C11orf21: variants seen among roughly 807,000 people sequenced by gnomAD.
C11orf21 encodes uncharacterized protein C11orf21.
Under a neutral mutation model 15.2 loss-of-function variants are expected in C11orf21, and 19 were observed. The observed-to-expected ratio is 1.25, with a 90% CI of 0.87 to 1.84. The LOEUF (loss-of-function observed/expected upper bound fraction) is 1.84, where lower values mean the gene tolerates loss of function less well. Ranked by LOEUF, C11orf21 falls within the 40% of genes most tolerant of loss-of-function variation. C11orf21 has a pLI of 0.00. For missense variants in C11orf21, 171 were observed against 174.4 expected, an observed-to-expected ratio of 0.98 and a Z score of 0.11; for synonymous variants, 62 against 66.8, an observed-to-expected ratio of 0.93 and a Z score of 0.35.
intron 3 of C11orf21, 140 bp downstream of exon 3, chr11:2,299,288 C>T: frequency 4.4e-6 from 4 of 909,320 alleles, no homozygotes; most frequent in Admixed American, 5.8e-5. Context: ...CCGCGTGGCC[C>T]CCACAGGTCT....
Position 2,297,832 on chromosome 11 carries a change from T to C in C11orf21, c.*118A>G, listed in dbSNP as rs1847564631. On this transcript the variant is annotated 3_prime_UTR_variant, in exon 4 of 4. Coordinates refer to ENST00000381153, the MANE Select transcript of C11orf21 (RefSeq NM_001329958.2). ...GCAGTTCTGGAGGCTGGAAGTCCAA[T>C]ATCAAGGTGCTGCTGATTCCAGTCT... 6.6e-6 allele frequency: 1 copy of C among 152,250 alleles called. No individual in the cohort carries two copies. The highest frequency in any genetic ancestry group is 1.5e-5 in the Non-Finnish European group (1 of 68,068). 9.4% of individuals were successfully genotyped at this position (152,250 alleles called of 1,614,324 possible). A position where few individuals can be genotyped will look rare whatever the true frequency, so the allele number is the denominator to read the frequency against.
At chr11:2,302,869 T>G, upstream of C11orf21, 1 of 1,613,536 alleles carries the variant, frequency 6.2e-7, no homozygotes. Context: ...GTGGCCACCA[T>G]GGTGACTCTT....
At position 2,297,462 on chromosome 11, in the gene C11orf21, C is replaced by G. The variant is rs1847553934; in HGVS notation, c.*488G>C. ...CCATCTCCCTTCTTTGTCTCACTGC[C>G]TTGAAACACCCCACATCTATCACCT... is the stretch of plus-strand genomic sequence containing the variant. On this transcript the variant is annotated 3_prime_UTR_variant, in exon 4 of 4. Coordinates refer to ENST00000381153, the MANE Select transcript of C11orf21 (RefSeq NM_001329958.2). 3 of 152,456 alleles carry G rather than the reference C, an allele frequency of 2.0e-5. No homozygotes were observed. Among genetic ancestry groups the G allele is most frequent in the Middle Eastern group, 6.8e-3 (2 of 294 alleles). 9.4% of individuals were successfully genotyped at this position (152,456 alleles called of 1,614,324 possible).
At chr11:2,302,635 C>T (rs1323650520), upstream of C11orf21, 11 of 590,242 alleles carry the variant, frequency 1.9e-5, no homozygotes, top group Non-Finnish European at 3.0e-5. Context: ...TATGCGTCTA[C>T]CATGTGGGGG....
upstream of C11orf21, chr11:2,302,951 C>T (rs755347022): frequency 7.4e-6 from 12 of 1,613,186 alleles, no homozygotes; most frequent in Non-Finnish European, 1.0e-5. Context: ...AGGCTGTGCA[C>T]CAATGGGGTA....
intron 2 of C11orf21, 50 bp downstream of exon 2, chr11:2,300,470 G>T: frequency 8.1e-7 from 1 of 1,241,380 alleles, no homozygotes; most frequent in Non-Finnish European, 1.1e-6. Flanking sequence ...GGGTTCCACC[G>T]GCTCCCTGCC....
At chr11:2,298,599 C>T (rs1282536467) in intron 3 of C11orf21, among the ~76,000 whole-genome samples, 1 of 152,126 alleles carries the variant, frequency 6.6e-6, no homozygotes, top group Non-Finnish European at 1.5e-5. Context: ...CTGGCTCTTA[C>T]CCCAGGCATC....
At chr11:2,298,980 G>C (rs74048208) in intron 3 of C11orf21, among the ~76,000 whole-genome samples, 29,135 of 152,134 alleles carry the variant, frequency 0.19, 2,915 homozygotes, top group African/African-American at 0.26. Context: ...GGCCCGGGCA[G>C]CCATGCCCCA....
chr11:2,301,647 A>T, intron 1 of C11orf21, 109 bp downstream of exon 1: 1 of 931,760 alleles, frequency 1.1e-6, no homozygotes, highest in Non-Finnish European at 1.6e-6. Flanking sequence ...GGTGTTTCCT[A>T]AGAACACCTC....
At chr11:2,298,127 A>G (rs1175925031) in intron 3 of C11orf21, among the ~76,000 whole-genome samples, 1 of 152,184 alleles carries the variant, frequency 6.6e-6, no homozygotes, top group Admixed American at 6.5e-5. Flanking sequence ...GTCCATAGCG[A>G]ACACTGACAC....
At chr11:2,302,242 G>T, upstream of C11orf21, 6 of 1,384,490 alleles carry the variant, frequency 4.3e-6, no homozygotes, top group Non-Finnish European at 5.6e-6. Context: ...GCAGGAGTGG[G>T]TGGTGGGTGG....
intron 3 of C11orf21, among the ~76,000 whole-genome samples, chr11:2,298,773 G>T (rs552979491): frequency 1.5e-4 from 23 of 152,298 alleles, no homozygotes; most frequent in Admixed American, 1.0e-3. Flanking sequence ...TCTGTCCCTG[G>T]TATCTGTGAC....
upstream of C11orf21, chr11:2,301,972 C>T (rs982200610): frequency 2.7e-6 from 4 of 1,486,050 alleles, no homozygotes; most frequent in Non-Finnish European, 3.6e-6. Context: ...CCCTCCCCTT[C>T]CTGCCTGCCC....
rs1328517761 is a variant in C11orf21 at position 2,299,666 on chromosome 11, G to T, written c.189C>A (p.Pro63=). 1.3e-6 allele frequency: 2 copies of T among 1,551,050 alleles called. No homozygotes were observed. Among genetic ancestry groups the T allele is most frequent in the Non-Finnish European group, 1.7e-6 (2 of 1,146,946 alleles). The change falls in exon 3 of 4, where the codon CCC becomes CCA. Residue 63 remains proline, a synonymous_variant. Coordinates refer to ENST00000381153, the MANE Select transcript of C11orf21 (RefSeq NM_001329958.2). ...GSMMPPAAAQ[P]SAHGALVPPA... ...GTGGAACAAGGGCACCATGGGCGGA[G>T]GGTTGGGCAGCTGCAGGTGGCATCA... is the stretch of plus-strand genomic sequence containing the variant.
upstream of C11orf21, chr11:2,302,293 G>T (rs975665446): frequency 1.5e-5 from 20 of 1,313,350 alleles, no homozygotes; most frequent in Non-Finnish European, 1.8e-5. Context: ...TCAGCACAGG[G>T]ATTATCCCTC....
At chr11:2,302,146 C>A, upstream of C11orf21, 1 of 1,456,164 alleles carries the variant, frequency 6.9e-7, no homozygotes, top group Non-Finnish European at 9.1e-7. Flanking sequence ...GGAGAGGAAC[C>A]GTCATGGGGC....
intron 1 of C11orf21, 32 bp downstream of exon 1, chr11:2,301,724 A>G (rs16928084): frequency 0.12 from 179,870 of 1,528,336 alleles, 11,702 homozygotes; most frequent in African/African-American, 0.23. Flanking sequence ...GGCCCAGTCC[A>G]CACTTGCTCA....
intron 1 of C11orf21, chr11:2,301,081 T>G: frequency 2.8e-6 from 1 of 360,986 alleles, no homozygotes; most frequent in African/African-American, 2.1e-5. Context: ...TCCCTCCTGG[T>G]TCTCCTGGTT....
At chr11:2,298,828 C>T (rs1847596274) in intron 3 of C11orf21, among the ~76,000 whole-genome samples, 1 of 152,078 alleles carries the variant, frequency 6.6e-6, no homozygotes, top group South Asian at 2.1e-4. Context: ...ACAGCTGTGT[C>T]TATGAAGGGG....
Sources: allele counts gnomAD v4.1 joint callset (sites outside exome capture counted in the v4.1 genomes callset), GRCh38; gene constraint gnomAD v4.1.1; transcripts MANE v1.5; gene names NCBI Gene and HGNC (gene_info 2026-07-23, HGNC 2026-07-21).